The following ACTR2 variants were observed in gnomAD, a reference collection of about 807,000 sequenced individuals.
ACTR2 encodes the protein actin-related protein 2.
ACTR2 carries 5 observed loss-of-function variants against 50.2 expected under a neutral mutation model. The ratio of observed to expected loss-of-function variants is 0.10; its 90% confidence interval spans 0.05 to 0.21. ACTR2 has a LOEUF of 0.21. ACTR2 is among the 10% of genes least tolerant of loss of function. The pLI is 1.00. For missense variants in ACTR2, 180 were observed against 480.6 expected (o/e 0.37, Z 5.85); for synonymous variants, 140 against 162.9 (o/e 0.86, Z 1.07).
intron 2 of ACTR2, 189 bp from the exon 3 acceptor site, chr2:65,246,335 C>A: frequency 2.1e-6 from 1 of 480,936 alleles, no homozygotes. Context: ...ATTTAAACCA[C>A]ATTGTATGTA....
At chr2:65,234,091 T>C (rs1671689366) in intron 1 of ACTR2, among the ~76,000 whole-genome samples, 1 of 151,972 alleles carries the variant, frequency 6.6e-6, no homozygotes, top group Non-Finnish European at 1.5e-5. Flanking sequence ...TTGTATTTTT[T>C]GTAGAAATGG....
At chr2:65,250,999 GT>G (rs756181291) in intron 3 of ACTR2, 27 bp from the exon 4 acceptor site, 13 of 1,530,116 alleles carry the variant, frequency 8.5e-6, no homozygotes, top group South Asian at 1.2e-5. Context: ...CTAAATACCA[GT>G]TTTTTTCTTT....
chr2:65,256,729 G>C (rs1044525026), intron 6 of ACTR2, among the ~76,000 whole-genome samples: 2 of 152,188 alleles, frequency 1.3e-5, no homozygotes, highest in East Asian at 3.9e-4. Flanking sequence ...AAAATTAGCT[G>C]GGCAAGGTGG....
intron 1 of ACTR2, among the ~76,000 whole-genome samples, chr2:65,235,481 G>A (rs1211263867): frequency 6.6e-6 from 1 of 152,200 alleles, no homozygotes; most frequent in Non-Finnish European, 1.5e-5. Flanking sequence ...TCCAGGCTGG[G>A]TGCCGTGGCT....
chr2:65,265,194 A>G lies in ACTR2; in HGVS notation c.1014+19A>G, dbSNP rs80078324. The G allele has an allele frequency of 4.1e-3, 6,613 of 1,613,202 alleles. 72 individuals carry two copies. Among genetic ancestry groups the G allele is most frequent in the African/African-American group, 0.039 (2,923 of 75,030 alleles). On this transcript the variant is annotated intron_variant, in intron 8 of 8. Transcript: ENST00000260641. ...ACTTTCTGTAAGTATTAGTAAATCAACTATTACTAACATTCTTTTAAAAGG... is the reference window on the plus strand; with the variant it reads ...ACTTTCTGTAAGTATTAGTAAATCAGCTATTACTAACATTCTTTTAAAAGG...
At chr2:65,232,845 C>G (rs1217016882) in intron 1 of ACTR2, among the ~76,000 whole-genome samples, 4 of 152,152 alleles carry the variant, frequency 2.6e-5, no homozygotes, top group Non-Finnish European at 4.4e-5. Flanking sequence ...TTCTTAAACA[C>G]AGCCTTACTG....
Position 65,251,111 on chromosome 2 carries a change from T to G in ACTR2, c.448+12T>G. ...TTTGTACGCTCAAGGTAGGTTAAGC[T>G]TAACTGTTAGAAAAAACACTTCATC... is the stretch of plus-strand genomic sequence containing the variant. On this transcript the variant is annotated intron_variant, in intron 4 of 8. Coordinates refer to ENST00000260641, the MANE Select transcript of ACTR2 (RefSeq NM_005722.4). 1.9e-6 allele frequency: 3 copies of G among 1,575,060 alleles called. No homozygotes were observed. The East Asian group carries it at 6.9e-5, about 36-fold the overall frequency.
chr2:65,243,139 T>C (rs1671873462), intron 2 of ACTR2, among the ~76,000 whole-genome samples: 1 of 151,186 alleles, frequency 6.6e-6, no homozygotes, highest in Non-Finnish European at 1.5e-5. Flanking sequence ...ATCAGCCAGG[T>C]GTGGTGGTGT....
intron 2 of ACTR2, among the ~76,000 whole-genome samples, chr2:65,243,138 G>A (rs1260791074): frequency 6.6e-6 from 1 of 152,044 alleles, no homozygotes; most frequent in Non-Finnish European, 1.5e-5. Context: ...AATCAGCCAG[G>A]TGTGGTGGTG....
In ACTR2 at chr2:65,227,942, C is replaced by G; in HGVS notation, c.33C>G (p.Cys11Trp). ...GCCAGGGCAGGAAGGTGGTGGTGTGCGACAACGGCACCGGGGTAAGGGCCG... is the reference window on the plus strand; with the variant it reads ...GCCAGGGCAGGAAGGTGGTGGTGTGGGACAACGGCACCGGGGTAAGGGCCG... MDSQGRKVVV[C>W]DNGTGFVKCG... Residue 11 changes from cysteine (C) to tryptophan (W), a missense_variant, in exon 1 of 9, where the codon TGC (cysteine) becomes TGG (tryptophan). Cys to Trp is a radical substitution (Grantham distance 215). Transcript: ENST00000260641. 6.6e-7 allele frequency: 1 copy of G among 1,521,006 alleles called. No homozygotes were observed. The highest frequency in any genetic ancestry group is 2.1e-5 in the Admixed American group (1 of 47,054). 94.2% of individuals were successfully genotyped at this position (1,521,006 alleles called of 1,614,324 possible).
At chr2:65,232,832 T>G (rs904268528) in intron 1 of ACTR2, among the ~76,000 whole-genome samples, 45 of 152,314 alleles carry the variant, frequency 3.0e-4, no homozygotes, top group African/African-American at 1.1e-3. Flanking sequence ...TGGTAAAATC[T>G]ATTTCTTAAA....
chr2:65,244,941 C>CA (rs35780666), intron 2 of ACTR2, among the ~76,000 whole-genome samples: 8,150 of 76,796 alleles, frequency 0.11, 946 homozygotes, highest in African/African-American at 0.34. Flanking sequence ...GACCCCATCT[C>CA]AAAAAAAAAA....
chr2:65,237,785 T>G (rs1671768231), intron 1 of ACTR2, among the ~76,000 whole-genome samples: 1 of 151,870 alleles, frequency 6.6e-6, no homozygotes, highest in South Asian at 2.1e-4. Context: ...GTCAGGAGTT[T>G]GAGGACAACA....
intron 6 of ACTR2, among the ~76,000 whole-genome samples, chr2:65,258,581 CCT>C (rs1672197938): frequency 2.0e-5 from 3 of 151,842 alleles, no homozygotes; most frequent in Admixed American, 2.0e-4. Flanking sequence ...GGAGCGAGAC[CCT>C]GTCTCAAAAA....
chr2:65,264,912 G>T, intron 7 of ACTR2, 131 bp from the exon 8 acceptor site: 1 of 983,580 alleles, frequency 1.0e-6, no homozygotes, highest in Non-Finnish European at 1.6e-6. Context: ...CAAATATTCA[G>T]CCCTGTGATT....
At chr2:65,266,468 T>C (rs1672374556) in intron 8 of ACTR2, among the ~76,000 whole-genome samples, 1 of 151,874 alleles carries the variant, frequency 6.6e-6, no homozygotes, top group Admixed American at 6.6e-5. Flanking sequence ...AGGTGGGATA[T>C]GAGGTCAGAA....
At chr2:65,264,139 T>C (rs1036504039) in intron 7 of ACTR2, among the ~76,000 whole-genome samples, 1 of 152,226 alleles carries the variant, frequency 6.6e-6, no homozygotes, top group African/African-American at 2.4e-5. Flanking sequence ...CAGTACCTTC[T>C]CCACAGAGTT....
intron 7 of ACTR2, 48 bp from the exon 8 acceptor site, chr2:65,264,995 A>G (rs1182869348): frequency 1.2e-6 from 2 of 1,608,186 alleles, no homozygotes; most frequent in African/African-American, 1.3e-5. Flanking sequence ...CTGAGATACC[A>G]TTTTCCTAAC....
intron 2 of ACTR2, 104 bp from the exon 3 acceptor site, chr2:65,246,417 TAAA>T (rs1573156128): frequency 1.3e-6 from 1 of 776,860 alleles, no homozygotes; most frequent in Admixed American, 3.3e-5. Flanking sequence ...ACTTGTGGAA[TAAA>T]AAGATTTATT....
Sources: gnomAD v4.1 joint callset for allele counts (sites outside exome capture counted in the v4.1 genomes callset) on GRCh38, gnomAD v4.1.1 for gene constraint, MANE v1.5 for transcripts, NCBI Gene and HGNC (gene_info 2026-07-23, HGNC 2026-07-21) for gene names.